Variants in ZNF385D observed in about 807,000 individuals in gnomAD.
ZNF385D encodes the protein zinc finger protein 659.
ZNF385D carries 15 observed loss-of-function variants against 35.8 expected under a neutral mutation model. The ratio of observed to expected loss-of-function variants is 0.42; its 90% CI spans 0.28 to 0.64. The LOEUF is 0.64. Among genes scored for constraint, ZNF385D ranks in the 30% least tolerant of loss-of-function variants. The pLI is 0.23. For synonymous variants in ZNF385D, 212 were observed against 186.8 expected, an observed-to-expected ratio of 1.13 and a Z score of -1.10; for missense variants, 474 against 494.6, an observed-to-expected ratio of 0.96 and a Z score of 0.39.
At chr3:21,782,414 A>G (rs1225026874) in intron 3 of ZNF385D, among the ~76,000 whole-genome samples, 1 of 152,088 alleles carries the variant, frequency 6.6e-6, no homozygotes, top group Non-Finnish European at 1.5e-5. Flanking sequence ...GCATGGAGAG[A>G]CTTAGGATGT....
At position 21,575,877 on chromosome 3, in the gene ZNF385D, CA is replaced by C. The variant is rs1279371856; in HGVS notation, c.166-11194del. Among the ~76,000 whole-genome samples the C allele has an allele frequency of 2.0e-5, 3 of 152,212 alleles. No homozygotes were observed. In the South Asian group the frequency reaches 6.2e-4, roughly 32 times the overall value. ...CTGTTGAATTGCTAAATAAATTGAG[CA>C]ACATTGAAACCCAATATCTAAACAG... On this transcript the variant is annotated intron_variant, in intron 2 of 7. Transcript: ENST00000281523.
intron 3 of ZNF385D, among the ~76,000 whole-genome samples, chr3:21,847,688 G>A (rs1696098256): frequency 6.6e-6 from 1 of 151,978 alleles, no homozygotes; most frequent in African/African-American, 2.4e-5. Flanking sequence ...ACTTTTATGA[G>A]TTTTGGTAAG....
chr3:22,062,887 A>C (rs1699761163), intron 3 of ZNF385D, among the ~76,000 whole-genome samples: 2 of 152,172 alleles, frequency 1.3e-5, no homozygotes, highest in South Asian at 4.1e-4. Flanking sequence ...GTCTTCATGA[A>C]AATGTATCCT....
intron 3 of ZNF385D, among the ~76,000 whole-genome samples, chr3:22,011,645 A>G (rs1211038891): frequency 1.3e-5 from 2 of 152,126 alleles, no homozygotes; most frequent in Admixed American, 6.6e-5. Context: ...TGTATTAATA[A>G]GTATGGTTAT....
intron 2 of ZNF385D, among the ~76,000 whole-genome samples, chr3:22,343,220 A>G (rs1350719192): frequency 6.6e-6 from 1 of 152,232 alleles, no homozygotes. Flanking sequence ...AGCTAATTCA[A>G]GACCCATCAT....
At chr3:21,981,514 T>C (rs1452933543) in intron 3 of ZNF385D, among the ~76,000 whole-genome samples, 1 of 152,070 alleles carries the variant, frequency 6.6e-6, no homozygotes, top group African/African-American at 2.4e-5. Context: ...ATTCCGTAGG[T>C]TGTTTATCCT....
chr3:21,912,742 CT>C (rs1203230989), intron 3 of ZNF385D, among the ~76,000 whole-genome samples: 7 of 152,050 alleles, frequency 4.6e-5, no homozygotes, highest in African/African-American at 7.2e-5. Flanking sequence ...CTAAAATACA[CT>C]GACAACAATT....
intron 4 of ZNF385D, among the ~76,000 whole-genome samples, chr3:21,460,359 A>C (rs534865856): frequency 6.6e-6 from 1 of 152,322 alleles, no homozygotes; most frequent in African/African-American, 2.4e-5. Context: ...TAGACACCAG[A>C]TCGTGTCAAA....
intron 2 of ZNF385D, among the ~76,000 whole-genome samples, chr3:21,628,536 A>G (rs2065196466): frequency 6.6e-6 from 1 of 152,124 alleles, no homozygotes; most frequent in East Asian, 1.9e-4. Flanking sequence ...TAAGAAAAAA[A>G]AGGTAGTCGC....
chr3:21,996,084 T>C (rs902450616), intron 3 of ZNF385D, among the ~76,000 whole-genome samples: 3 of 152,040 alleles, frequency 2.0e-5, no homozygotes, highest in African/African-American at 7.2e-5. Context: ...GGGTAGGATA[T>C]AATCTGGTGG....
At chr3:21,896,871 G>A (rs539538636) in intron 3 of ZNF385D, among the ~76,000 whole-genome samples, 1 of 150,898 alleles carries the variant, frequency 6.6e-6, no homozygotes, top group East Asian at 1.9e-4. Flanking sequence ...TTTGTTGTCT[G>A]CAATGGAGAA....
intron 2 of ZNF385D, among the ~76,000 whole-genome samples, chr3:21,614,745 C>T (rs541018287): frequency 9.8e-5 from 15 of 152,286 alleles, no homozygotes; most frequent in African/African-American, 3.4e-4. Flanking sequence ...AATGCCACCT[C>T]GCCCAGCTAA....
chr3:21,667,388 C>T (rs973373284), intron 1 of ZNF385D, among the ~76,000 whole-genome samples: 10 of 152,156 alleles, frequency 6.6e-5, no homozygotes, highest in African/African-American at 2.4e-4. Context: ...TCTCAAACTC[C>T]TGAGCTCAAG....
rs1380095910 is a variant in ZNF385D, at chr3:21,908,135, T to C, written c.326-243107A>G. ...TTCTCTCTATATCTATCTATCTATC[T>C]ATCTATCTATCTATCTATCTATCTA... On this transcript the variant is annotated intron_variant, in intron 3 of 5. Transcript: ENST00000494108. 2.7e-5 allele frequency among the ~76,000 whole-genome samples: 4 copies of C among 146,938 alleles called. No individual in the cohort carries two copies. In the East Asian group the frequency reaches 7.9e-4, roughly 29 times the overall value.
chr3:22,367,299 C>A (rs998282527), intron 2 of ZNF385D, among the ~76,000 whole-genome samples: 1 of 152,078 alleles, frequency 6.6e-6, no homozygotes, highest in African/African-American at 2.4e-5. Flanking sequence ...ATTCTCACCA[C>A]TTTTAAAGAA....
chr3:21,451,404 T>G (rs1342886518), intron 4 of ZNF385D, among the ~76,000 whole-genome samples: 1 of 152,128 alleles, frequency 6.6e-6, no homozygotes, highest in Non-Finnish European at 1.5e-5. Flanking sequence ...ACACTTAAAA[T>G]GATAGATTAC....
chr3:21,824,455 T>A (rs1398296962), intron 3 of ZNF385D, among the ~76,000 whole-genome samples: 3 of 152,182 alleles, frequency 2.0e-5, no homozygotes, highest in Non-Finnish European at 4.4e-5. Context: ...TCTCCCTTTC[T>A]CTCTCACACA....
chr3:22,273,229 T>C (rs1701267489), intron 2 of ZNF385D, among the ~76,000 whole-genome samples: 1 of 152,048 alleles, frequency 6.6e-6, no homozygotes, highest in Non-Finnish European at 1.5e-5. Context: ...AATTTGTGTT[T>C]GGTCTTATTG....
chr3:21,781,033 T>C (rs78452672), intron 3 of ZNF385D, among the ~76,000 whole-genome samples: 2,820 of 152,074 alleles, frequency 0.019, 42 homozygotes, highest in Non-Finnish European at 0.026. Context: ...TCCCCCATAA[T>C]TGAGAAATTT....
Sources: allele counts gnomAD v4.1 joint callset (sites outside exome capture counted in the v4.1 genomes callset), GRCh38; gene constraint gnomAD v4.1.1; transcripts MANE v1.5; gene names NCBI Gene and HGNC (gene_info 2026-07-23, HGNC 2026-07-21).